The following PARP16 variants were observed in gnomAD, a reference collection of about 807,000 sequenced individuals.
PARP16 encodes the protein poly(ADP-ribose) polymerase family member 16, also known as protein mono-ADP-ribosyltransferase PARP16.
A neutral mutation model predicts 35.0 loss-of-function variants in PARP16; 31 were observed. That is an observed-to-expected ratio of 0.88 (90% CI 0.66 to 1.19). The LOEUF (loss-of-function observed/expected upper bound fraction) is 1.19, where lower values mean the gene tolerates loss of function less well. Ranked by LOEUF, PARP16 falls within the 50% of genes most tolerant of loss-of-function variation. PARP16 has a pLI of 0.00. For synonymous variants in PARP16, 162 were observed against 169.5 expected, an observed-to-expected ratio of 0.96 and a Z score of 0.34; for missense variants, 424 against 411.2, an observed-to-expected ratio of 1.03 and a Z score of -0.27.
chr15:65,281,228 C>A (rs1487501893), intron 1 of PARP16, among the ~76,000 whole-genome samples: 10 of 152,186 alleles, frequency 6.6e-5, no homozygotes, highest in Admixed American at 6.5e-4. Flanking sequence ...TTAAGGGGTA[C>A]AGGGAATCCC....
chr15:65,239,469 AAAAAG>A (rs563693962), intron 3 of PARP16, among the ~76,000 whole-genome samples: 3,495 of 145,746 alleles, frequency 0.024, 84 homozygotes, highest in African/African-American at 0.062. Flanking sequence ...AAAAGAAAAA[AAAAAG>A]AAAAGAAAGA....
chr15:65,253,577 G>A (rs999703864), downstream of PARP16, among the ~76,000 whole-genome samples: 2 of 151,932 alleles, frequency 1.3e-5, no homozygotes, highest in Non-Finnish European at 2.9e-5. Flanking sequence ...TGATCCGCCC[G>A]CCTCGGCCTC....
At chr15:65,268,817 C>A (rs10467936) in intron 2 of PARP16, among the ~76,000 whole-genome samples, 2 of 151,852 alleles carry the variant, frequency 1.3e-5, no homozygotes, top group African/African-American at 2.4e-5. Flanking sequence ...TGCAGTGGCA[C>A]GATCTTGGCT....
chr15:65,260,193 G>C (rs1336042834), intron 5 of PARP16, among the ~76,000 whole-genome samples: 1 of 152,094 alleles, frequency 6.6e-6, no homozygotes, highest in Non-Finnish European at 1.5e-5. Context: ...TGTACAAGCA[G>C]GAGTGGGGAT....
At chr15:65,255,243 C>G (rs892541104), downstream of PARP16, among the ~76,000 whole-genome samples, 1 of 152,064 alleles carries the variant, frequency 6.6e-6, no homozygotes, top group Non-Finnish European at 1.5e-5. Flanking sequence ...CACACTATCC[C>G]CTAGTACACT....
At chr15:65,237,744 A>G (rs961904983) in intron 3 of PARP16, among the ~76,000 whole-genome samples, 6 of 152,224 alleles carry the variant, frequency 3.9e-5, no homozygotes, top group Non-Finnish European at 8.8e-5. Context: ...TCTGGCCTCC[A>G]GAACTGTAAG....
At position 65,259,445 on chromosome 15, in the gene PARP16, A is replaced by G; in HGVS notation, c.931T>C (p.Ser311Pro). 1.2e-6 allele frequency: 2 copies of G among 1,614,190 alleles called. No homozygotes were observed. Among genetic ancestry groups the G allele is most frequent in the Non-Finnish European group, 1.7e-6 (2 of 1,179,992 alleles). Reference protein sequence around the residue: ...LLLIVSVINSSAFQHFWNRAK... With the variant: ...LLLIVSVINSPAFQHFWNRAK... ...CGATTCCAAAAGTGTTGGAAAGCAG[A>G]GGAGTTGATGACACTCACTATGAGC... The change falls in exon 6 of 6, where the codon TCT (serine) becomes CCT (proline). Residue 311 changes from serine (S) to proline (P), a missense_variant. Ser to Pro is a moderately conservative substitution (Grantham distance 74, BLOSUM62 -1). Transcript: ENST00000649807.
chr15:65,260,757 C>T, intron 5 of PARP16, 128 bp downstream of exon 5: 1 of 785,340 alleles, frequency 1.3e-6, no homozygotes, highest in Non-Finnish European at 2.1e-6. Flanking sequence ...TCACCGTGTC[C>T]AGCATGGTGC....
intron 5 of PARP16, among the ~76,000 whole-genome samples, chr15:65,259,813 C>T (rs887172970): frequency 6.6e-6 from 1 of 152,200 alleles, no homozygotes; most frequent in Non-Finnish European, 1.5e-5. Context: ...CCTCTTTTAC[C>T]ATTTACAACC....
At chr15:65,285,262 A>G (rs942975459) in intron 1 of PARP16, among the ~76,000 whole-genome samples, 1 of 151,546 alleles carries the variant, frequency 6.6e-6, no homozygotes, top group Non-Finnish European at 1.5e-5. Context: ...CTCAGCTTCC[A>G]GAGTAGCTGG....
At chr15:65,251,955 G>A (rs4776262) in intron 2 of PARP16, among the ~76,000 whole-genome samples, 61,128 of 151,706 alleles carry the variant, frequency 0.4, 13,962 homozygotes, top group East Asian at 0.86. Flanking sequence ...TAGTAGAGAC[G>A]GGGTTTCACC....
At chr15:65,255,623 C>T (rs1024637339), downstream of PARP16, among the ~76,000 whole-genome samples, 7 of 151,250 alleles carry the variant, frequency 4.6e-5, no homozygotes, top group Non-Finnish European at 1.0e-4. Context: ...TCCTGGAGGG[C>T]AAGACCATTC....
chr15:65,257,629 CAAAAA>C (rs5813342), downstream of PARP16, among the ~76,000 whole-genome samples: 1 of 66,908 alleles, frequency 1.5e-5, no homozygotes, highest in East Asian at 4.9e-4. Flanking sequence ...GACTCTGTCT[CAAAAA>C]AAAAAAAAAA....
At chr15:65,261,963 G>A (rs543498516) in intron 4 of PARP16, among the ~76,000 whole-genome samples, 8 of 152,268 alleles carry the variant, frequency 5.3e-5, no homozygotes, top group East Asian at 1.9e-4. Flanking sequence ...TTAATGTCAC[G>A]GTTTGCAAAC....
intron 3 of PARP16, among the ~76,000 whole-genome samples, chr15:65,239,984 G>T (rs192738293): frequency 0.019 from 1,039 of 54,706 alleles, 28 homozygotes; most frequent in African/African-American, 0.086. Flanking sequence ...TAAATACAGG[G>T]TCTCACTCCG....
intron 3 of PARP16, among the ~76,000 whole-genome samples, chr15:65,245,583 A>G (rs1237797995): frequency 6.6e-6 from 1 of 152,094 alleles, no homozygotes; most frequent in Non-Finnish European, 1.5e-5. Flanking sequence ...AGCTGCTTGT[A>G]TGGAAGCAGC....
intron 1 of PARP16, among the ~76,000 whole-genome samples, chr15:65,273,123 C>A (rs537366078): frequency 2.0e-5 from 3 of 151,650 alleles, no homozygotes; most frequent in African/African-American, 7.2e-5. Flanking sequence ...ACTGAAAATA[C>A]AAAAATTAGT....
downstream of PARP16, among the ~76,000 whole-genome samples, chr15:65,232,451 A>C (rs2088789073): frequency 6.6e-6 from 1 of 152,222 alleles, no homozygotes; most frequent in African/African-American, 2.4e-5. Flanking sequence ...AACACTAAAA[A>C]ATGTGTGTAC....
At chr15:65,257,629 CAAAAAAAAA>C (rs5813342), downstream of PARP16, among the ~76,000 whole-genome samples, 1 of 66,910 alleles carries the variant, frequency 1.5e-5, no homozygotes. Flanking sequence ...GACTCTGTCT[CAAAAAAAAA>C]AAAAAAAAAA....
Sources: allele counts gnomAD v4.1 joint callset (sites outside exome capture counted in the v4.1 genomes callset), GRCh38; gene constraint gnomAD v4.1.1; transcripts MANE v1.5; gene names NCBI Gene and HGNC (gene_info 2026-07-23, HGNC 2026-07-21).